PARG: variants seen among roughly 807,000 people sequenced by gnomAD.
PARG encodes the protein mitochondrial poly(ADP-ribose) glycohydrolase.
Under a neutral mutation model 113.0 loss-of-function variants are expected in PARG, and 35 were observed. The ratio of observed to expected loss-of-function variants is 0.31; its 90% CI spans 0.24 to 0.41. The LOEUF is 0.41. Ranked by LOEUF, PARG falls within the 10% of genes least tolerant of loss-of-function variation. PARG has a pLI of 1.00. For missense variants in PARG, 797 were observed against 1,169.4 expected (o/e 0.68, Z 4.64); for synonymous variants, 330 against 409.9 (o/e 0.81, Z 2.36).
chr10:49,936,027 T>C (rs1314834155), intron 1 of PARG, among the ~76,000 whole-genome samples: 1 of 152,108 alleles, frequency 6.6e-6, no homozygotes, highest in Non-Finnish European at 1.5e-5. Flanking sequence ...TCCAGGTCAG[T>C]GGTTCCCAAA....
intron 3 of PARG, 60 bp downstream of exon 3, chr10:49,933,117 C>G: frequency 1.6e-6 from 2 of 1,262,622 alleles, no homozygotes; most frequent in Non-Finnish European, 2.3e-6. Flanking sequence ...TCGTTAAACT[C>G]CCTTACAAAA....
intron 14 of PARG, among the ~76,000 whole-genome samples, chr10:49,842,976 C>T (rs1845319639): frequency 6.6e-6 from 1 of 152,054 alleles, no homozygotes; most frequent in Non-Finnish European, 1.5e-5. Context: ...CAAAACAAAA[C>T]AAAAAACCCC....
intron 7 of PARG, among the ~76,000 whole-genome samples, chr10:49,893,772 C>A (rs1554842083): frequency 1.3e-4 from 19 of 151,774 alleles, no homozygotes; most frequent in Non-Finnish European, 2.2e-4. Context: ...TGGCTCACTG[C>A]AAGCTCCGCC....
intron 15 of PARG, among the ~76,000 whole-genome samples, chr10:49,834,269 T>C (rs1230996791): frequency 3.3e-5 from 5 of 152,184 alleles, no homozygotes; most frequent in Non-Finnish European, 5.9e-5. Context: ...AGAATAAACA[T>C]AACTTTGCCG....
chr10:49,827,072 C>T (rs1554829501), intron 16 of PARG, among the ~76,000 whole-genome samples: 1 of 152,178 alleles, frequency 6.6e-6, no homozygotes, highest in Non-Finnish European at 1.5e-5. Flanking sequence ...ACATTAGTGT[C>T]TCTTTCAACC....
chr10:49,869,673 T>A, intron 9 of PARG, 118 bp from the exon 10 acceptor site: 1 of 597,440 alleles, frequency 1.7e-6, no homozygotes, highest in Non-Finnish European at 3.0e-6. Context: ...AGAAGACAAT[T>A]CTGTAATGAT....
intron 10 of PARG, 99 bp downstream of exon 10, chr10:49,869,377 G>A: frequency 1.5e-6 from 1 of 671,486 alleles, no homozygotes; most frequent in Non-Finnish European, 2.7e-6. Flanking sequence ...GGTTGGGACA[G>A]GAAGGTTTAC....
intron 1 of PARG, among the ~76,000 whole-genome samples, chr10:49,938,282 C>G (rs1838842467): frequency 6.6e-6 from 1 of 152,134 alleles, no homozygotes; most frequent in African/African-American, 2.4e-5. Flanking sequence ...CCTCACAAAG[C>G]ACTCAATATG....
chr10:49,867,019 T>C (rs1270402155), intron 10 of PARG: 7 of 136,968 alleles, frequency 5.1e-5, no homozygotes, highest in Non-Finnish European at 1.2e-4. Flanking sequence ...GCATGTTTTT[T>C]CACGTTACAT....
chr10:49,914,062 C>T (rs1837337282), intron 7 of PARG, among the ~76,000 whole-genome samples: 1 of 152,186 alleles, frequency 6.6e-6, no homozygotes, highest in Non-Finnish European at 1.5e-5. Flanking sequence ...TTCAGGCATG[C>T]TTCTGGGCAA....
intron 1 of PARG, among the ~76,000 whole-genome samples, chr10:49,938,353 C>CTT (rs1838846902): frequency 6.6e-6 from 1 of 152,056 alleles, no homozygotes; most frequent in African/African-American, 2.4e-5. Flanking sequence ...AATTCTCCAA[C>CTT]TTTGACTTCA....
At chr10:49,862,903 T>C (rs1280645354) in intron 11 of PARG, among the ~76,000 whole-genome samples, 1 of 149,874 alleles carries the variant, frequency 6.7e-6, no homozygotes, top group East Asian at 2.0e-4. Context: ...GTAAGCATAC[T>C]ACTAAAAAGA....
intron 6 of PARG, among the ~76,000 whole-genome samples, chr10:49,920,616 G>GTACATATATACA (rs1837811218): frequency 2.1e-5 from 3 of 142,002 alleles, no homozygotes; most frequent in South Asian, 2.2e-4. Flanking sequence ...ACATATATAC[G>GTACATATATACA]TATATATATA....
At chr10:49,856,923 C>T (rs1185549704) in intron 13 of PARG, among the ~76,000 whole-genome samples, 5 of 147,334 alleles carry the variant, frequency 3.4e-5, no homozygotes, top group African/African-American at 5.0e-5. Flanking sequence ...GCAGGAGAAT[C>T]GCTTGAACCT....
chr10:49,847,578 C>T (rs1309970030), intron 13 of PARG, among the ~76,000 whole-genome samples: 6 of 151,914 alleles, frequency 3.9e-5, no homozygotes. Context: ...TGAACAAACA[C>T]AAGGAAAAGC....
intron 16 of PARG, among the ~76,000 whole-genome samples, chr10:49,823,943 A>G (rs1025057356): frequency 6.6e-6 from 1 of 152,192 alleles, no homozygotes; most frequent in Non-Finnish European, 1.5e-5. Context: ...TAGAGTACAT[A>G]TTGTACCATA....
chr10:49,828,092 C>CAAAAAAAAAAAAAAAAAAAAAAAAAAAA (rs71026274), intron 16 of PARG, among the ~76,000 whole-genome samples: 4 of 50,410 alleles, frequency 7.9e-5, no homozygotes, highest in East Asian at 7.1e-4. Flanking sequence ...AAAGCTTAAA[C>CAAAAAAAAAAAAAAAAAAAAAAAAAAAA]AAAAAAAAAA....
chr10:49,878,855 G>A (rs1847080491), intron 9 of PARG, among the ~76,000 whole-genome samples: 1 of 151,418 alleles, frequency 6.6e-6, no homozygotes, highest in Admixed American at 6.6e-5. Context: ...GTCTCACACT[G>A]AAATCAGGGA....
At chr10:49,862,057 T>C (rs1399629950) in intron 11 of PARG, among the ~76,000 whole-genome samples, 1 of 151,262 alleles carries the variant, frequency 6.6e-6, no homozygotes, top group African/African-American at 2.4e-5. Flanking sequence ...TCTTCTGGCT[T>C]CCATTTTCTA....
Sources: allele counts gnomAD v4.1 joint callset (sites outside exome capture counted in the v4.1 genomes callset), GRCh38; gene constraint gnomAD v4.1.1; transcripts MANE v1.5; gene names NCBI Gene and HGNC (gene_info 2026-07-23, HGNC 2026-07-21).